EFL1: variants seen among roughly 807,000 people sequenced by gnomAD.
EFL1 encodes elongation factor-like GTPase 1.
EFL1 carries 76 observed loss-of-function variants against 126.7 expected under a neutral mutation model. The observed-to-expected ratio is 0.60, with a 90% CI of 0.50 to 0.73. The LOEUF (loss-of-function observed/expected upper bound fraction) is 0.73. Among genes scored for constraint, EFL1 ranks in the 30% least tolerant of loss-of-function variants. The probability of loss-of-function intolerance (pLI) is 0.00; values close to 1 mark genes in which losing one functional copy is unlikely to be tolerated. For synonymous variants in EFL1, 410 were observed against 448.4 expected (o/e 0.91, Z 1.08); for missense variants, 1,128 against 1,343.2 (o/e 0.84, Z 2.50).
Position 82,219,764 on chromosome 15 carries a change from T to C in EFL1, c.1499A>G (p.Asn500Ser). The change falls in exon 14 of 20, where the codon AAC (asparagine) becomes AGC (serine). Residue 500 changes from asparagine to serine, a missense_variant. Physicochemically the swap from Asn to Ser is conservative, Grantham distance 46 (BLOSUM62 1). This residue lies in a region of EFL1 where 120 missense variants were observed against 142.1 expected (regional missense o/e 0.84). Coordinates refer to ENST00000268206, the MANE Select transcript of EFL1 (RefSeq NM_024580.6). ...AAATGCAATAAAAGACTCTTGGTTG[T>C]TTTCTTCCTGGAGCACAGGTTTAGG... ...MTPKPVLQEE[N>S]NQESFIAFAR... The C allele has an allele frequency of 6.2e-7, 1 of 1,614,040 alleles. No homozygotes were observed. The highest frequency in any genetic ancestry group is 8.5e-7 in the Non-Finnish European group (1 of 1,179,948).
chr15:82,172,251 G>A (rs945276183), intron 15 of EFL1, among the ~76,000 whole-genome samples: 2 of 152,196 alleles, frequency 1.3e-5, no homozygotes, highest in Admixed American at 6.5e-5. Flanking sequence ...TTACAACTAT[G>A]AGCGAGAATA....
At chr15:82,141,687 C>CAAAAAAAAAAAAAAAA (rs111707224) in intron 18 of EFL1, among the ~76,000 whole-genome samples, 1 of 111,778 alleles carries the variant, frequency 8.9e-6, no homozygotes, top group Non-Finnish European at 1.8e-5. Context: ...AAAAAAAAAC[C>CAAAAAAAAAAAAAAAA]AAAAAAAAAA....
chr15:82,224,757 C>T (rs1405928035), intron 12 of EFL1, among the ~76,000 whole-genome samples: 3 of 152,168 alleles, frequency 2.0e-5, no homozygotes, highest in Admixed American at 6.5e-5. Flanking sequence ...TCTCCTACAC[C>T]TATCACACCT....
intron 6 of EFL1, among the ~76,000 whole-genome samples, chr15:82,240,113 C>T (rs546008160): frequency 3.3e-5 from 5 of 152,180 alleles, no homozygotes; most frequent in African/African-American, 7.2e-5. Flanking sequence ...TTTCCTGTAA[C>T]GACAGGTAAT....
chr15:82,182,949 C>T (rs1487646349), intron 15 of EFL1, among the ~76,000 whole-genome samples: 1 of 152,138 alleles, frequency 6.6e-6, no homozygotes, highest in Non-Finnish European at 1.5e-5. Flanking sequence ...ATTAGGCATC[C>T]AACCTTATGC....
intron 2 of EFL1, 91 bp from the exon 3 acceptor site, chr15:82,259,246 T>C (rs1232576152): frequency 8.5e-7 from 1 of 1,183,426 alleles, no homozygotes; most frequent in Non-Finnish European, 1.2e-6. Context: ...GTCATAAGAA[T>C]TGGTTTAGTA....
intron 15 of EFL1, among the ~76,000 whole-genome samples, chr15:82,186,545 C>CT (rs946729791): frequency 2.6e-5 from 4 of 152,140 alleles, no homozygotes; most frequent in South Asian, 2.1e-4. Flanking sequence ...AGGCTAGCCA[C>CT]TTTTTTTTGC....
chr15:82,233,454 T>A (rs1476268621), intron 7 of EFL1, among the ~76,000 whole-genome samples: 1 of 152,204 alleles, frequency 6.6e-6, no homozygotes, highest in Non-Finnish European at 1.5e-5. Context: ...CTCAGTCAAG[T>A]ATGAAATTAC....
chr15:82,194,363 C>A (rs2074388661), intron 15 of EFL1, among the ~76,000 whole-genome samples: 1 of 152,148 alleles, frequency 6.6e-6, no homozygotes, highest in Non-Finnish European at 1.5e-5. Flanking sequence ...AATCCGGCGC[C>A]ATTCTCAAAG....
chr15:82,238,448 T>C lies in EFL1; in HGVS notation c.590A>G (p.Gln197Arg), dbSNP rs1452394559. Reference sequence around the variant, plus strand: ...TCCTTGTTCAGAATTTGGATTCACTTGGGATTCAGTCTCCCTCTCTGCTCT... The same window carrying C: ...TCCTTGTTCAGAATTTGGATTCACTCGGGATTCAGTCTCCCTCTCTGCTCT... ...EERAERETES[Q>R]VNPNSEQGEQ... The change falls in exon 7 of 20, where the codon CAA becomes CGA. Residue 197 changes from glutamine to arginine, a missense_variant. This residue lies in a region of EFL1 where 316 missense variants were observed against 318.5 expected (regional missense o/e 0.99). Transcript: ENST00000268206. 6.2e-7 allele frequency: 1 copy of C among 1,614,164 alleles called. No individual in the cohort carries two copies. Among genetic ancestry groups the C allele is most frequent in the Admixed American group, 1.7e-5 (1 of 60,030 alleles).
chr15:82,192,005 A>C (rs1319700428), intron 15 of EFL1, among the ~76,000 whole-genome samples: 1 of 152,220 alleles, frequency 6.6e-6, no homozygotes, highest in Admixed American at 6.5e-5. Flanking sequence ...TATCAAATAT[A>C]GCCAAGAATA....
intron 15 of EFL1, among the ~76,000 whole-genome samples, chr15:82,211,111 AT>A (rs2074579553): frequency 6.7e-6 from 1 of 149,316 alleles, no homozygotes; most frequent in African/African-American, 2.5e-5. Flanking sequence ...AAAAAAAAAA[AT>A]GTTGACATTC....
intron 18 of EFL1, among the ~76,000 whole-genome samples, chr15:82,147,479 C>T (rs1260033141): frequency 6.6e-6 from 1 of 150,686 alleles, no homozygotes; most frequent in East Asian, 2.0e-4. Context: ...AAAATAACAA[C>T]AACAAAAAAA....
chr15:82,229,352 G>C (rs1824995756), intron 8 of EFL1, among the ~76,000 whole-genome samples: 1 of 152,060 alleles, frequency 6.6e-6, no homozygotes, highest in South Asian at 2.1e-4. Context: ...CCATTTGTGG[G>C]TCATATTACC....
At chr15:82,241,006 T>C (rs139950012) in intron 5 of EFL1, among the ~76,000 whole-genome samples, 16,045 of 152,204 alleles carry the variant, frequency 0.11, 1,142 homozygotes, top group African/African-American at 0.18. Flanking sequence ...GCCAAGATCA[T>C]GCCACTGCAC....
intron 15 of EFL1, among the ~76,000 whole-genome samples, chr15:82,214,081 A>C (rs1432796362): frequency 6.6e-6 from 1 of 152,178 alleles, no homozygotes; most frequent in East Asian, 1.9e-4. Context: ...AATGACCCTA[A>C]GGGTTCAGAA....
chr15:82,154,887 G>A (rs554578572), intron 17 of EFL1, among the ~76,000 whole-genome samples: 29 of 152,230 alleles, frequency 1.9e-4, no homozygotes, highest in Admixed American at 1.7e-3. Context: ...TCAGCTTCCT[G>A]AGTATCTGGT....
intron 15 of EFL1, among the ~76,000 whole-genome samples, chr15:82,170,200 C>T (rs904112790): frequency 9.4e-5 from 14 of 148,410 alleles, no homozygotes; most frequent in African/African-American, 2.5e-4. Context: ...CTGCAAGCTC[C>T]GCCTCCCGGG....
At chr15:82,262,208 CA>C (rs1224199423) in intron 1 of EFL1, 1 of 157,496 alleles carries the variant, frequency 6.3e-6, no homozygotes, top group African/African-American at 2.4e-5. Context: ...AGTCTTCCCC[CA>C]AGTCCCTCAT....
Sources: gnomAD v4.1 joint callset for allele counts (sites outside exome capture counted in the v4.1 genomes callset) on GRCh38, gnomAD v4.1.1 for gene constraint, gnomAD v4.1.1 regional missense constraint, MANE v1.5 for transcripts, NCBI Gene and HGNC (gene_info 2026-07-23, HGNC 2026-07-21) for gene names.